Variants in KIAA1958 observed in about 807,000 individuals in gnomAD.
The protein encoded by KIAA1958 is uncharacterized protein KIAA1958.
KIAA1958 carries 14 observed loss-of-function variants against 47.2 expected under a neutral mutation model. That is an observed-to-expected ratio of 0.30 (90% CI 0.20 to 0.46). KIAA1958 has a LOEUF of 0.46. KIAA1958 is among the 20% of genes least tolerant of loss of function. KIAA1958 has a pLI of 1.00. For synonymous variants in KIAA1958, 354 were observed against 353.3 expected, an observed-to-expected ratio of 1.00 and a Z score of -0.02; for missense variants, 803 against 909.2, an observed-to-expected ratio of 0.88 and a Z score of 1.50.
chr9:112,572,667 G>C (rs993915977), intron 1 of KIAA1958, among the ~76,000 whole-genome samples: 6 of 152,192 alleles, frequency 3.9e-5, no homozygotes, highest in African/African-American at 1.4e-4. Flanking sequence ...GGTGAGGAAA[G>C]AGAAGGGCAG....
rs1323621644 is a variant in KIAA1958, at chr9:112,660,280, G to A, written c.*211G>A. On this transcript the variant is annotated 3_prime_UTR_variant, in exon 4 of 4. Coordinates refer to ENST00000337530, the MANE Select transcript of KIAA1958 (RefSeq NM_133465.4). The stretch of plus-strand genomic sequence containing the variant: ...AATCATTCGGATGGTTTATCCAAAT[G>A]TGCGTCAACTTCGTTAGCTTTTAGA... 2 of 575,686 alleles carry A rather than the reference G, an allele frequency of 3.5e-6. No individual in the cohort carries two copies. Among genetic ancestry groups the A allele is most frequent in the African/African-American group, 3.7e-5 (2 of 53,632 alleles). The allele number at this position is 575,686 out of a possible 1,614,324, so 35.7% of individuals were successfully genotyped here.
chr9:112,615,869 G>A (rs987270316), intron 2 of KIAA1958, among the ~76,000 whole-genome samples: 6 of 152,216 alleles, frequency 3.9e-5, no homozygotes, highest in Non-Finnish European at 7.3e-5. Context: ...ATGGCAACAT[G>A]TACAACTCAG....
At chr9:112,571,062 C>G (rs974628467) in intron 1 of KIAA1958, among the ~76,000 whole-genome samples, 4 of 152,088 alleles carry the variant, frequency 2.6e-5, no homozygotes, top group African/African-American at 9.7e-5. Flanking sequence ...GTCTGGGGCC[C>G]CAGCTGATTA....
chr9:112,491,873 A>G (rs1199017192), intron 1 of KIAA1958, among the ~76,000 whole-genome samples: 1 of 152,116 alleles, frequency 6.6e-6, no homozygotes, highest in Non-Finnish European at 1.5e-5. Context: ...TTCAAAACTG[A>G]TACTGCTTTA....
chr9:112,542,475 A>G (rs1158793472), intron 1 of KIAA1958, among the ~76,000 whole-genome samples: 1 of 152,344 alleles, frequency 6.6e-6, no homozygotes, highest in East Asian at 1.9e-4. Flanking sequence ...TTCACAAAGA[A>G]TATATTCATA....
rs1837385074 is a variant in KIAA1958 at position 112,668,931 on chromosome 9, G to A, written c.*8862G>A. ...TTTAAAAATTTAATATTTTCTATGG[G>A]GCTGTATTTTCCAAATAATAGCAAC... On this transcript the variant is annotated 3_prime_UTR_variant, in exon 4 of 4. Transcript: ENST00000337530. 6.6e-6 allele frequency: 1 copy of A among 152,044 alleles called. No homozygotes were observed. The highest frequency in any genetic ancestry group is 2.4e-5 in the African/African-American group (1 of 41,370). 9.4% of individuals were successfully genotyped at this position (152,044 alleles called of 1,614,324 possible).
chr9:112,543,305 G>A (rs776181001), intron 1 of KIAA1958, among the ~76,000 whole-genome samples: 13 of 152,088 alleles, frequency 8.5e-5, no homozygotes, highest in Non-Finnish European at 2.9e-5. Context: ...AAAACCAGAA[G>A]TTCAAATATT....
In KIAA1958 at chr9:112,497,233, C is replaced by T. The variant is rs146371408; in HGVS notation, c.-25+10115C>T. Among the ~76,000 whole-genome samples the T allele has an allele frequency of 9.7e-4, 147 of 152,224 alleles. 1 individual carries two copies. Among genetic ancestry groups the T allele is most frequent in the African/African-American group, 3.4e-3 (142 of 41,536 alleles). ...GCAAATTCATATGTTGAAGCCCCAACCCTCCAGTACCTTAATGTAACTGTA... is the reference window on the plus strand; with the variant it reads ...GCAAATTCATATGTTGAAGCCCCAATCCTCCAGTACCTTAATGTAACTGTA... On this transcript the variant is annotated intron_variant, in intron 1 of 3. Coordinates refer to ENST00000337530, the MANE Select transcript of KIAA1958 (RefSeq NM_133465.4).
At chr9:112,575,745 G>T (rs374203467) in intron 2 of KIAA1958, among the ~76,000 whole-genome samples, 1 of 151,956 alleles carries the variant, frequency 6.6e-6, no homozygotes, top group African/African-American at 2.4e-5. Flanking sequence ...ATTTTAAAAA[G>T]CAATGTACAT....
intron 2 of KIAA1958, among the ~76,000 whole-genome samples, chr9:112,639,795 A>G (rs975812686): frequency 1.3e-5 from 2 of 152,162 alleles, no homozygotes; most frequent in Non-Finnish European, 2.9e-5. Context: ...ATCTCCATCA[A>G]TACACACATA....
chr9:112,645,368 A>G (rs1836958246), intron 2 of KIAA1958, among the ~76,000 whole-genome samples: 1 of 152,168 alleles, frequency 6.6e-6, no homozygotes, highest in Admixed American at 6.5e-5. Context: ...TTATTTTTAT[A>G]CTTCTATTAT....
rs1835613276 is a variant in KIAA1958 at position 112,574,872 on chromosome 9, A to G, written c.792A>G (p.Leu264=). 2.5e-6 allele frequency: 4 copies of G among 1,614,180 alleles called. No homozygotes were observed. The East Asian group carries it at 8.9e-5, about 36-fold the overall frequency. The change falls in exon 2 of 4, where the codon CTA becomes CTG. Residue 264 remains leucine, a synonymous_variant. Transcript: ENST00000337530. ...TCACATCTGCCATCAGCACGGAGCT[A>G]GACCCACACGGTATGTCTGCATCCC... ...PHVTSAISTE[L]DPHGMSASPS... is the part of the protein sequence containing the mutation.
chr9:112,552,080 AT>A (rs1835160948), intron 1 of KIAA1958, among the ~76,000 whole-genome samples: 1 of 152,154 alleles, frequency 6.6e-6, no homozygotes, highest in Non-Finnish European at 1.5e-5. Flanking sequence ...ATTGGTGAAT[AT>A]TTTTGTGTGT....
chr9:112,563,839 A>G (rs1017381544), intron 1 of KIAA1958, among the ~76,000 whole-genome samples: 11 of 152,130 alleles, frequency 7.2e-5, no homozygotes, highest in African/African-American at 2.7e-4. Flanking sequence ...TGTCTTTTAC[A>G]TTAAATATAT....
intron 1 of KIAA1958, among the ~76,000 whole-genome samples, chr9:112,490,346 A>G (rs1012986075): frequency 1.3e-5 from 2 of 152,222 alleles, no homozygotes; most frequent in Non-Finnish European, 2.9e-5. Flanking sequence ...GAAGCCCCAC[A>G]GGTTTCTTTT....
intron 2 of KIAA1958, among the ~76,000 whole-genome samples, chr9:112,580,106 A>T (rs1835711909): frequency 6.6e-6 from 1 of 152,114 alleles, no homozygotes; most frequent in African/African-American, 2.4e-5. Context: ...GCATAGGGGG[A>T]TCAGGCCCCC....
chr9:112,615,825 T>G (rs1436972460), intron 2 of KIAA1958, among the ~76,000 whole-genome samples: 1 of 152,166 alleles, frequency 6.6e-6, no homozygotes, highest in Admixed American at 6.5e-5. Context: ...TATAAGTCAA[T>G]ACACCCCAGA....
chr9:112,633,441 A>C (rs1205501562), intron 2 of KIAA1958, among the ~76,000 whole-genome samples: 1 of 152,204 alleles, frequency 6.6e-6, no homozygotes, highest in Non-Finnish European at 1.5e-5. Flanking sequence ...GTTTGCATAC[A>C]CATTTTTAAA....
At chr9:112,637,350 G>A (rs575102973) in intron 2 of KIAA1958, among the ~76,000 whole-genome samples, 6 of 151,892 alleles carry the variant, frequency 4.0e-5, no homozygotes, top group South Asian at 2.1e-4. Context: ...TCATTATTTT[G>A]TGTGACTGCA....
Sources: allele counts gnomAD v4.1 joint callset (sites outside exome capture counted in the v4.1 genomes callset), GRCh38; gene constraint gnomAD v4.1.1; transcripts MANE v1.5; gene names NCBI Gene and HGNC (gene_info 2026-07-23, HGNC 2026-07-21).